Variants in PPM1L observed in about 807,000 individuals in gnomAD.
PPM1L encodes the protein protein phosphatase 1L.
Under a neutral mutation model 31.4 loss-of-function variants are expected in PPM1L, and 13 were observed. That is an observed-to-expected ratio of 0.41 (90% CI 0.27 to 0.66). The LOEUF (loss-of-function observed/expected upper bound fraction) is 0.66. Ranked by LOEUF, PPM1L falls within the 30% of genes least tolerant of loss-of-function variation. The pLI is 0.29. For missense variants in PPM1L, 326 were observed against 453.7 expected (o/e 0.72, Z 2.56); for synonymous variants, 184 against 175.4 (o/e 1.05, Z -0.39).
intron 1 of PPM1L, among the ~76,000 whole-genome samples, chr3:160,764,844 G>C (rs771721339): frequency 7.9e-5 from 12 of 152,078 alleles, no homozygotes; most frequent in Non-Finnish European, 1.5e-4. Flanking sequence ...AGATATTTGA[G>C]AAATTACTCA....
At chr3:160,792,082 A>G (rs1171700274) in intron 1 of PPM1L, among the ~76,000 whole-genome samples, 1 of 152,194 alleles carries the variant, frequency 6.6e-6, no homozygotes, top group Non-Finnish European at 1.5e-5. Context: ...GCACCCAGGT[A>G]ATATTCATAA....
chr3:160,894,219 C>G (rs145679579), intron 1 of PPM1L, among the ~76,000 whole-genome samples: 101 of 152,264 alleles, frequency 6.6e-4, no homozygotes, highest in African/African-American at 2.3e-3. Context: ...TGCATTCTTA[C>G]AATTTAGATG....
chr3:160,912,004 A>G (rs1352524060), intron 1 of PPM1L, among the ~76,000 whole-genome samples: 1 of 152,228 alleles, frequency 6.6e-6, no homozygotes, highest in Non-Finnish European at 1.5e-5. Context: ...TTGTGAGATT[A>G]ATCTGTGTTA....
chr3:160,948,332 A>G (rs942579910), intron 1 of PPM1L, among the ~76,000 whole-genome samples: 21 of 152,054 alleles, frequency 1.4e-4, no homozygotes, highest in African/African-American at 5.1e-4. Context: ...TCTTGCTAAA[A>G]TAAGATACCC....
intron 1 of PPM1L, among the ~76,000 whole-genome samples, chr3:160,786,239 A>G (rs188264335): frequency 9.7e-4 from 98 of 100,638 alleles, no homozygotes; most frequent in Middle Eastern, 7.4e-3. Context: ...TTTTTTTAAG[A>G]CAGAGTCTCA....
intron 1 of PPM1L, chr3:160,842,301 A>C (rs1221363690): frequency 2.8e-6 from 2 of 702,382 alleles, no homozygotes; most frequent in African/African-American, 3.5e-5. Flanking sequence ...CAGTGAGTAG[A>C]TCTGTTTGGC....
At chr3:161,044,751 G>C (rs1719007051) in intron 2 of PPM1L, among the ~76,000 whole-genome samples, 1 of 152,116 alleles carries the variant, frequency 6.6e-6, no homozygotes, top group Non-Finnish European at 1.5e-5. Context: ...ACAATGACAG[G>C]ATCAACTTCA....
chr3:160,763,953 C>T (rs1444553900), intron 1 of PPM1L, among the ~76,000 whole-genome samples: 2 of 152,142 alleles, frequency 1.3e-5, no homozygotes, highest in Non-Finnish European at 2.9e-5. Flanking sequence ...CAAAATAAAT[C>T]TACAGCAAAG....
chr3:160,814,032 C>T (rs557974099), intron 1 of PPM1L, among the ~76,000 whole-genome samples: 12 of 152,098 alleles, frequency 7.9e-5, no homozygotes, highest in Non-Finnish European at 1.8e-4. Context: ...TACTATTAGG[C>T]GTTTTATCTT....
At chr3:161,051,606 CAT>C (rs1719283107) in intron 2 of PPM1L, among the ~76,000 whole-genome samples, 1 of 152,104 alleles carries the variant, frequency 6.6e-6, no homozygotes, top group African/African-American at 2.4e-5. Flanking sequence ...TTCCTGGAAA[CAT>C]AGCTTTAGAG....
At chr3:160,927,644 G>A (rs6791854) in intron 1 of PPM1L, among the ~76,000 whole-genome samples, 5,056 of 152,110 alleles carry the variant, frequency 0.033, 295 homozygotes, top group African/African-American at 0.12. Context: ...GTGTGCGTGC[G>A]CGCGCATGCA....
intron 1 of PPM1L, among the ~76,000 whole-genome samples, chr3:160,831,260 A>G (rs1456474376): frequency 2.6e-5 from 4 of 152,226 alleles, no homozygotes; most frequent in South Asian, 2.1e-4. Flanking sequence ...TGATCTGATC[A>G]TTATACATGA....
At chr3:160,890,946 C>T (rs1242222868) in intron 1 of PPM1L, among the ~76,000 whole-genome samples, 1 of 152,152 alleles carries the variant, frequency 6.6e-6, no homozygotes, top group Non-Finnish European at 1.5e-5. Flanking sequence ...AACTGGACCC[C>T]TTCTTTACAC....
intron 1 of PPM1L, among the ~76,000 whole-genome samples, chr3:160,933,268 G>T (rs1170543972): frequency 6.6e-6 from 1 of 151,490 alleles, no homozygotes; most frequent in Non-Finnish European, 1.5e-5. Flanking sequence ...AATTTGAAAT[G>T]CTATATTTTG....
intron 1 of PPM1L, among the ~76,000 whole-genome samples, chr3:160,851,953 C>T (rs887977184): frequency 2.0e-5 from 3 of 152,132 alleles, no homozygotes; most frequent in Non-Finnish European, 2.9e-5. Flanking sequence ...GATTTTTTCC[C>T]CTCAAAGAGT....
chr3:161,065,688 C>A, intron 3 of PPM1L, 124 bp downstream of exon 3: 2 of 710,360 alleles, frequency 2.8e-6, no homozygotes, highest in African/African-American at 1.8e-5. Flanking sequence ...ACTGAGGTAA[C>A]TGAGATTGAC....
At chr3:161,030,778 G>C (rs75226327) in intron 2 of PPM1L, among the ~76,000 whole-genome samples, 2,074 of 152,024 alleles carry the variant, frequency 0.014, 41 homozygotes, top group African/African-American at 0.046. Flanking sequence ...TGAAATAAGA[G>C]AAAGAAGGCC....
At chr3:160,943,220 GCCACAACCCT>G (rs1194721920) in intron 1 of PPM1L, among the ~76,000 whole-genome samples, 2 of 152,184 alleles carry the variant, frequency 1.3e-5, no homozygotes, top group African/African-American at 4.8e-5. Context: ...AGACATGCAT[GCCACAACCCT>G]CCCTTTGTGT....
chr3:161,061,370 T>C (rs1270781935), intron 2 of PPM1L, among the ~76,000 whole-genome samples: 3 of 152,186 alleles, frequency 2.0e-5, no homozygotes, highest in Non-Finnish European at 4.4e-5. Context: ...GTTGCTAACA[T>C]AGGCAGGATA....
Sources: gnomAD v4.1 joint callset for allele counts (sites outside exome capture counted in the v4.1 genomes callset) on GRCh38, gnomAD v4.1.1 for gene constraint, MANE v1.5 for transcripts, NCBI Gene and HGNC (gene_info 2026-07-23, HGNC 2026-07-21) for gene names.